Variants in FHIP1A observed in about 807,000 individuals in gnomAD.
FHIP1A encodes the protein FHF complex subunit HOOK-interacting protein 1A.
A neutral mutation model predicts 88.6 loss-of-function variants in FHIP1A; 61 were observed. The ratio of observed to expected loss-of-function variants is 0.69; its 90% CI spans 0.56 to 0.85. FHIP1A has a LOEUF of 0.85. Among genes scored for constraint, FHIP1A ranks in the 40% least tolerant of loss-of-function variants. The pLI is 0.00. For synonymous variants in FHIP1A, 478 were observed against 496.0 expected, an observed-to-expected ratio of 0.96 and a Z score of 0.48; for missense variants, 1,154 against 1,273.5, an observed-to-expected ratio of 0.91 and a Z score of 1.43.
chr4:151,573,413 C>T (rs561000502), intron 4 of FHIP1A, among the ~76,000 whole-genome samples: 1 of 152,164 alleles, frequency 6.6e-6, no homozygotes, highest in Non-Finnish European at 1.5e-5. Flanking sequence ...AATTAATGAG[C>T]GTGGGCTTTA....
Position 151,667,572 on chromosome 4 carries a change from G to A in FHIP1A, c.*4818G>A, listed in dbSNP as rs190132440. Among the ~76,000 whole-genome samples the A allele has an allele frequency of 2.0e-4, 31 of 152,320 alleles. No homozygotes were observed. In the East Asian group the frequency reaches 6.0e-3, roughly 29 times the overall value. Reference sequence around the variant, plus strand: ...TGGCAGCTCAATAACTGGATAAACAGGACTTTAGTGAAAGATTTTCAGAGG... The same window carrying A: ...TGGCAGCTCAATAACTGGATAAACAAGACTTTAGTGAAAGATTTTCAGAGG... On this transcript the variant is annotated 3_prime_UTR_variant, in exon 14 of 14. Coordinates refer to ENST00000435205, the MANE Select transcript of FHIP1A (RefSeq NM_001109977.3).
chr4:151,527,842 A>G (rs1731736021), intron 3 of FHIP1A, among the ~76,000 whole-genome samples: 1 of 152,104 alleles, frequency 6.6e-6, no homozygotes, highest in Admixed American at 6.6e-5. Flanking sequence ...ACTAGCTTCA[A>G]AGATTCTGAT....
At chr4:151,571,367 T>G (rs1733595990) in intron 4 of FHIP1A, among the ~76,000 whole-genome samples, 2 of 152,292 alleles carry the variant, frequency 1.3e-5, no homozygotes, top group Middle Eastern at 3.4e-3. Flanking sequence ...ATATCAGAGC[T>G]CAAATAAAGT....
rs905740368 is a variant in FHIP1A at position 151,577,584 on chromosome 4, C to CA, written c.243dup (p.Asp82ArgfsTer14). ...TCTTCTTGTTGATTGAAGAGCAAGCCAAAGATGCTGCAATGGGGCCGATTC... is the reference window on the plus strand; with the variant it reads ...TCTTCTTGTTGATTGAAGAGCAAGCCAAAAGATGCTGCAATGGGGCCGATTC... On this transcript the variant is annotated frameshift_variant, in exon 5 of 14. Transcript: ENST00000435205. LOFTEE classifies it high-confidence loss of function. 2 of 1,551,876 alleles carry CA rather than the reference C, an allele frequency of 1.3e-6. No homozygotes were observed. The highest frequency in any genetic ancestry group is 2.7e-5 in the African/African-American group (2 of 73,124).
Position 151,670,201 on chromosome 4 carries a change from G to C in FHIP1A, c.*7447G>C, listed in dbSNP as rs1362125646. The C allele has an allele frequency of 1.3e-5, 2 of 152,194 alleles. No individual in the cohort carries two copies. The highest frequency in any genetic ancestry group is 2.9e-5 in the Non-Finnish European group (2 of 68,038). The allele number at this position is 152,194 out of a possible 1,614,324, so 9.4% of individuals were successfully genotyped here. ...CGAACAAAGGTGCTCCGGTGCAGTG[G>C]AGAGAACAGTATTAGTGTCGCAAGC... is the stretch of plus-strand genomic sequence containing the variant. On this transcript the variant is annotated 3_prime_UTR_variant, in exon 14 of 14. Coordinates refer to ENST00000435205, the MANE Select transcript of FHIP1A (RefSeq NM_001109977.3).
At chr4:151,423,769 CA>C (rs1639033129) in intron 1 of FHIP1A, among the ~76,000 whole-genome samples, 1 of 152,096 alleles carries the variant, frequency 6.6e-6, no homozygotes, top group South Asian at 2.1e-4. Flanking sequence ...TCTGCAAAGC[CA>C]CAAAAGGTAG....
chr4:151,523,386 T>C (rs1731514867), intron 3 of FHIP1A, among the ~76,000 whole-genome samples: 1 of 152,198 alleles, frequency 6.6e-6, no homozygotes, highest in Non-Finnish European at 1.5e-5. Context: ...AAAATGGTTA[T>C]TGTGTGAAGT....
intron 3 of FHIP1A, among the ~76,000 whole-genome samples, chr4:151,563,930 C>A (rs2126767755): frequency 6.6e-6 from 1 of 152,060 alleles, no homozygotes; most frequent in East Asian, 1.9e-4. Context: ...GAGTTCAAGG[C>A]TGCAGTGAGC....
At position 151,650,397 on chromosome 4, in the gene FHIP1A, GA is replaced by G. The variant is rs1163421687; in HGVS notation, c.2358del (p.Glu787LysfsTer18). ...TGATCCCTTGCTTCTCACTAAGGAGGAAGAAGGGAAGGAAGAGAGTAAAGGA... is the reference window on the plus strand; with the variant it reads ...TGATCCCTTGCTTCTCACTAAGGAGGAGAAGGGAAGGAAGAGAGTAAAGGA... ...TPDPLLLTKE[E>X]EGKEESKGEK... On this transcript the variant is annotated frameshift_variant, in exon 11 of 14. Transcript: ENST00000435205. LOFTEE classifies it high-confidence loss of function. The G allele has an allele frequency of 6.4e-7, 1 of 1,551,714 alleles. No homozygotes were observed. Among genetic ancestry groups the G allele is most frequent in the East Asian group, 2.4e-5 (1 of 40,930 alleles).
At chr4:151,586,571 C>T (rs1250737646) in intron 5 of FHIP1A, 70 bp from the exon 6 acceptor site, 5 of 1,298,692 alleles carry the variant, frequency 3.9e-6, no homozygotes, top group Non-Finnish European at 5.3e-6. Flanking sequence ...ATTGGCATCA[C>T]CTGTGAGCTG....
intron 2 of FHIP1A, among the ~76,000 whole-genome samples, chr4:151,463,882 A>G (rs1276842630): frequency 6.6e-6 from 1 of 152,128 alleles, no homozygotes; most frequent in Non-Finnish European, 1.5e-5. Flanking sequence ...TTTACATTCC[A>G]TTTAGAGAGG....
At chr4:151,545,671 C>A (rs928648598) in intron 3 of FHIP1A, among the ~76,000 whole-genome samples, 1 of 151,380 alleles carries the variant, frequency 6.6e-6, no homozygotes, top group Non-Finnish European at 1.5e-5. Flanking sequence ...GCCACCTCCC[C>A]CAGCCTCCTT....
chr4:151,436,106 C>T (rs930492278), intron 1 of FHIP1A, among the ~76,000 whole-genome samples: 11 of 152,116 alleles, frequency 7.2e-5, no homozygotes, highest in Non-Finnish European at 1.0e-4. Context: ...ATGGCAGCGA[C>T]GCTTCAGTAT....
In FHIP1A at chr4:151,656,887, C is replaced by A. The variant is rs1365395883; in HGVS notation, c.2858C>A (p.Ala953Glu). The A allele has an allele frequency of 3.2e-6, 5 of 1,550,518 alleles. No homozygotes were observed. Among genetic ancestry groups the A allele is most frequent in the Non-Finnish European group, 4.4e-6 (5 of 1,146,498 alleles). Residue 953 changes from alanine to glutamate, a missense_variant, in exon 13 of 14, where the codon GCA (alanine) becomes GAA (glutamate). Physicochemically the swap from Ala to Glu is moderately radical, Grantham distance 107 (BLOSUM62 -1). Transcript: ENST00000435205. The surrounding 1 kb of genome is among the most constrained non-coding windows in gnomAD (Gnocchi z 4.2). Reference sequence around the variant, plus strand: ...GACATGTCTGATATGACCCCTGCAGCACTAACCAAAGGTAAGCCAGGTTTC... The same window carrying A: ...GACATGTCTGATATGACCCCTGCAGAACTAACCAAAGGTAAGCCAGGTTTC... Reference protein sequence around the residue: ...RVDMSDMTPAALTKDPIQEAS... With the variant: ...RVDMSDMTPAELTKDPIQEAS...
chr4:151,666,994 T>C lies in FHIP1A; in HGVS notation c.*4240T>C, dbSNP rs551334833. ...CTCATTTAAGGGCAGTTCAATGTAA[T>C]TGCTAATTACCAGCCCTGTATTTAC... On this transcript the variant is annotated 3_prime_UTR_variant, in exon 14 of 14. Transcript: ENST00000435205. Among the ~76,000 whole-genome samples the C allele has an allele frequency of 6.6e-6, 1 of 152,362 alleles. No individual in the cohort carries two copies. Among genetic ancestry groups the C allele is most frequent in the East Asian group, 1.9e-4 (1 of 5,190 alleles).
At chr4:151,603,672 AG>A (rs760071841) in intron 7 of FHIP1A, among the ~76,000 whole-genome samples, 5 of 152,174 alleles carry the variant, frequency 3.3e-5, no homozygotes, top group Non-Finnish European at 5.9e-5. Flanking sequence ...CTTTCTCCCG[AG>A]GCTAGCTTAA....
rs987966560 is a variant in FHIP1A at position 151,650,141 on chromosome 4, C to A, written c.2100C>A (p.Asp700Glu). Residue 700 changes from aspartate to glutamate, a missense_variant, in exon 11 of 14, where the codon GAC becomes GAA. Physicochemically the swap from Asp to Glu is conservative, Grantham distance 45 (BLOSUM62 2). Transcript: ENST00000435205. ...ATTCAGAGGAGGAGTGGAATAGGGA[C>A]AATTCAGACCCGTTTCACAGTGAGC... ...ETDSEEEWNR[D>E]NSDPFHSEPK... 17 of 1,551,556 alleles carry A rather than the reference C, an allele frequency of 1.1e-5. No homozygotes were observed. Among genetic ancestry groups the A allele is most frequent in the Non-Finnish European group, 1.4e-5 (16 of 1,146,986 alleles).
intron 3 of FHIP1A, among the ~76,000 whole-genome samples, chr4:151,511,674 C>T (rs778800948): frequency 2.0e-5 from 3 of 152,240 alleles, no homozygotes; most frequent in Admixed American, 1.3e-4. Context: ...CACAGAGTCT[C>T]GCTGATTGCT....
chr4:151,577,403 A>G lies in FHIP1A; in HGVS notation c.106-47A>G, dbSNP rs185901868. 140 of 1,468,748 alleles carry G rather than the reference A, an allele frequency of 9.5e-5. No homozygotes were observed. The East Asian group carries it at 3.2e-3, about 33-fold the overall frequency. 91.0% of individuals were successfully genotyped at this position (1,468,748 alleles called of 1,614,324 possible). ...AAATCAGTGGTGATATGTTTTTGTA[A>G]TTATGATAAACATCAGATGGATGAC... On this transcript the variant is annotated intron_variant, in intron 4 of 13. Coordinates refer to ENST00000435205, the MANE Select transcript of FHIP1A (RefSeq NM_001109977.3).
Sources: gnomAD v4.1 joint callset for allele counts (sites outside exome capture counted in the v4.1 genomes callset) on GRCh38, gnomAD v4.1.1 for gene constraint, Gnocchi (gnomAD v3.1) non-coding constraint, MANE v1.5 for transcripts, NCBI Gene and HGNC (gene_info 2026-07-23, HGNC 2026-07-21) for gene names.